The following C1orf87 variants were observed in gnomAD, a reference collection of about 807,000 sequenced individuals.
C1orf87 encodes the protein uncharacterized protein C1orf87.
Under a neutral mutation model 60.5 loss-of-function variants are expected in C1orf87, and 58 were observed. That is an observed-to-expected ratio of 0.96 (90% CI 0.78 to 1.19). C1orf87 has a LOEUF of 1.19. Ranked by LOEUF, C1orf87 falls within the 50% of genes most tolerant of loss-of-function variation. The probability of loss-of-function intolerance (pLI) is 0.00; values close to 1 mark genes in which losing one functional copy is unlikely to be tolerated. For missense variants in C1orf87, 673 were observed against 638.6 expected, an observed-to-expected ratio of 1.05 and a Z score of -0.58; for synonymous variants, 236 against 227.4, an observed-to-expected ratio of 1.04 and a Z score of -0.34.
chr1:60,013,744 C>G (rs759289689), intron 8 of C1orf87, among the ~76,000 whole-genome samples: 15 of 151,640 alleles, frequency 9.9e-5, no homozygotes, highest in Non-Finnish European at 1.9e-4. Flanking sequence ...CAGTACAACC[C>G]AGCAGATGAG....
At chr1:60,065,641 T>C (rs1186955073) in intron 2 of C1orf87, among the ~76,000 whole-genome samples, 2 of 152,140 alleles carry the variant, frequency 1.3e-5, no homozygotes, top group African/African-American at 2.4e-5. Flanking sequence ...CAGTTAATAT[T>C]TGTGAAAAAG....
intron 9 of C1orf87, among the ~76,000 whole-genome samples, chr1:60,004,498 C>T (rs573151399): frequency 6.6e-6 from 1 of 151,986 alleles, no homozygotes; most frequent in Non-Finnish European, 1.5e-5. Flanking sequence ...AGAACATAAA[C>T]TTTGTCCTAG....
chr1:60,002,417 G>A (rs1574294596), intron 9 of C1orf87, among the ~76,000 whole-genome samples: 2 of 152,154 alleles, frequency 1.3e-5, no homozygotes, highest in South Asian at 2.1e-4. Flanking sequence ...TTTTTTGGCT[G>A]CATAAATGTC....
At chr1:60,057,880 G>T (rs1645468151) in intron 2 of C1orf87, among the ~76,000 whole-genome samples, 1 of 152,158 alleles carries the variant, frequency 6.6e-6, no homozygotes, top group South Asian at 2.1e-4. Flanking sequence ...TAAGGTTAAA[G>T]ACCATTGATT....
At chr1:60,027,105 G>A (rs1250758027) in intron 7 of C1orf87, among the ~76,000 whole-genome samples, 2 of 152,150 alleles carry the variant, frequency 1.3e-5, no homozygotes, top group African/African-American at 2.4e-5. Flanking sequence ...ATTTTTAGAG[G>A]AAGCTCAGTC....
chr1:60,065,486 T>C (rs2100333034), intron 2 of C1orf87, among the ~76,000 whole-genome samples: 1 of 152,212 alleles, frequency 6.6e-6, no homozygotes, highest in East Asian at 1.9e-4. Context: ...CTTTAAGAGC[T>C]GATAGACCCT....
chr1:60,030,062 C>T (rs1259452794), intron 7 of C1orf87, among the ~76,000 whole-genome samples: 2 of 152,070 alleles, frequency 1.3e-5, no homozygotes, highest in Admixed American at 6.6e-5. Flanking sequence ...GAGTTACTGC[C>T]GTCATTGCAC....
chr1:60,042,771 G>C (rs961425145), intron 3 of C1orf87, among the ~76,000 whole-genome samples: 1 of 152,202 alleles, frequency 6.6e-6, no homozygotes, highest in Non-Finnish European at 1.5e-5. Context: ...TGGTTGTCTA[G>C]TTTGGGCCAG....
chr1:60,060,181 C>T (rs765215113), intron 2 of C1orf87, among the ~76,000 whole-genome samples: 1 of 151,050 alleles, frequency 6.6e-6, no homozygotes, highest in Non-Finnish European at 1.5e-5. Context: ...GTTCATTCAA[C>T]TCCTGAACCT....
At chr1:60,042,124 C>G (rs1645329652) in intron 3 of C1orf87, among the ~76,000 whole-genome samples, 1 of 152,164 alleles carries the variant, frequency 6.6e-6, no homozygotes, top group African/African-American at 2.4e-5. Flanking sequence ...GAAATGAAAG[C>G]AATTAACTCT....
chr1:60,026,048 A>G (rs944810542), intron 7 of C1orf87, among the ~76,000 whole-genome samples: 3 of 152,186 alleles, frequency 2.0e-5, no homozygotes, highest in African/African-American at 4.8e-5. Flanking sequence ...TGAATGAATG[A>G]GGTGTCATTG....
chr1:60,063,420 T>A (rs1163183367), intron 2 of C1orf87, among the ~76,000 whole-genome samples: 1 of 152,146 alleles, frequency 6.6e-6, no homozygotes, highest in African/African-American at 2.4e-5. Flanking sequence ...ACTCACCACT[T>A]AACAGACAGA....
intron 11 of C1orf87, among the ~76,000 whole-genome samples, chr1:59,993,407 TATA>T (rs1309392199): frequency 1.3e-5 from 2 of 152,218 alleles, no homozygotes; most frequent in Non-Finnish European, 2.9e-5. Flanking sequence ...ATAGGATAAT[TATA>T]ATAATTATGT....
chr1:60,041,362 A>G (rs1352586925), intron 3 of C1orf87, among the ~76,000 whole-genome samples: 1 of 152,176 alleles, frequency 6.6e-6, no homozygotes, highest in Non-Finnish European at 1.5e-5. Context: ...ATATATTCAC[A>G]CTTAGGTATG....
At chr1:60,001,880 G>C (rs1350574520) in intron 9 of C1orf87, among the ~76,000 whole-genome samples, 2 of 152,094 alleles carry the variant, frequency 1.3e-5, no homozygotes, top group East Asian at 1.9e-4. Context: ...ACTTGCAGCA[G>C]GCTGCTGCCT....
At chr1:60,072,219 A>G (rs751521950) in intron 2 of C1orf87, among the ~76,000 whole-genome samples, 1 of 152,176 alleles carries the variant, frequency 6.6e-6, no homozygotes, top group Admixed American at 6.5e-5. Context: ...AAATTAGTAC[A>G]TGTGGTAGAT....
chr1:59,992,102 C>T (rs1262124156), intron 11 of C1orf87, among the ~76,000 whole-genome samples: 2 of 152,178 alleles, frequency 1.3e-5, no homozygotes, highest in South Asian at 2.1e-4. Flanking sequence ...TGAATCCTTA[C>T]AATAACCCAT....
At chr1:60,064,360 AAT>A (rs968887332) in intron 2 of C1orf87, among the ~76,000 whole-genome samples, 14 of 141,858 alleles carry the variant, frequency 9.9e-5, no homozygotes, top group African/African-American at 3.1e-4. Context: ...TGTAATATAT[AAT>A]ATATATATAC....
intron 8 of C1orf87, among the ~76,000 whole-genome samples, chr1:60,021,152 C>G (rs1006999209): frequency 5.3e-5 from 8 of 152,162 alleles, no homozygotes; most frequent in African/African-American, 1.9e-4. Flanking sequence ...GCTTACTGTA[C>G]AGCCTACAGA....
Sources: allele counts gnomAD v4.1 joint callset (sites outside exome capture counted in the v4.1 genomes callset), GRCh38; gene constraint gnomAD v4.1.1; transcripts MANE v1.5; gene names NCBI Gene and HGNC (gene_info 2026-07-23, HGNC 2026-07-21).